Variants in PREX2 observed in about 807,000 individuals in gnomAD.
The protein encoded by PREX2 is phosphatidylinositol-3,4,5-trisphosphate dependent Rac exchange factor 2.
PREX2 carries 107 observed loss-of-function variants against 203.2 expected under a neutral mutation model. The ratio of observed to expected loss-of-function variants is 0.53; its 90% confidence interval spans 0.45 to 0.62. The LOEUF (loss-of-function observed/expected upper bound fraction) is 0.62, where lower values mean the gene tolerates loss of function less well. PREX2 is among the 20% of genes least tolerant of loss of function. The pLI is 0.00. For missense variants in PREX2, 1,777 were observed against 1,955.9 expected (o/e 0.91, Z 1.72); for synonymous variants, 672 against 663.6 (o/e 1.01, Z -0.19).
At chr8:68,203,495 G>C (rs1812548408) in intron 37 of PREX2, among the ~76,000 whole-genome samples, 1 of 152,158 alleles carries the variant, frequency 6.6e-6, no homozygotes, top group Non-Finnish European at 1.5e-5. Context: ...GAGAGAGAAA[G>C]GGGGATCATG....
intron 17 of PREX2, among the ~76,000 whole-genome samples, chr8:68,081,998 C>T (rs1585769472): frequency 6.6e-6 from 1 of 151,762 alleles, no homozygotes; most frequent in Non-Finnish European, 1.5e-5. Context: ...CACCCAGCAA[C>T]TTTACCAGCC....
chr8:68,129,062 A>G (rs904313919), intron 31 of PREX2, among the ~76,000 whole-genome samples: 13 of 152,186 alleles, frequency 8.5e-5, no homozygotes, highest in African/African-American at 3.1e-4. Flanking sequence ...GATCCCCACA[A>G]CCCACTATGT....
rs749739278 is a variant in PREX2 at position 68,191,761 on chromosome 8, C to T, written c.4386C>T (p.Ser1462=). ...YLDKSNSPPN[S]TSKAAYVDKL... ...ACAAGTCAAATTCACCACCAAACTC[C>T]ACATCCAAAGCTGCCTATGTAGATA... Residue 1462 remains serine (S), a synonymous_variant, in exon 36 of 40, where the codon TCC becomes TCT. Transcript: ENST00000288368. 3.1e-6 allele frequency: 5 copies of T among 1,610,358 alleles called. No individual in the cohort carries two copies. In the South Asian group the frequency reaches 5.5e-5, roughly 18 times the overall value.
chr8:68,002,309 G>A (rs1398636158), intron 1 of PREX2, among the ~76,000 whole-genome samples: 2 of 151,918 alleles, frequency 1.3e-5, no homozygotes, highest in Middle Eastern at 3.4e-3. Flanking sequence ...CATCACACCC[G>A]GCTAATTTTT....
At chr8:68,161,103 T>G (rs1811643790) in intron 35 of PREX2, among the ~76,000 whole-genome samples, 1 of 151,936 alleles carries the variant, frequency 6.6e-6, no homozygotes, top group Admixed American at 6.6e-5. Context: ...CTTTCTTTTT[T>G]TTTGGGGGGG....
At chr8:68,056,613 TC>T (rs1263753298) in intron 10 of PREX2, among the ~76,000 whole-genome samples, 1 of 93,932 alleles carries the variant, frequency 1.1e-5, no homozygotes, top group Non-Finnish European at 2.0e-5. Context: ...TTCAGGTAGC[TC>T]TTTTTTAGGC....
chr8:68,047,180 G>A (rs1808377165), intron 8 of PREX2, among the ~76,000 whole-genome samples: 1 of 151,942 alleles, frequency 6.6e-6, no homozygotes, highest in Non-Finnish European at 1.5e-5. Context: ...GGTGCTGCAT[G>A]AACTTTCTTC....
chr8:67,990,973 A>G (rs1053918972), intron 1 of PREX2, among the ~76,000 whole-genome samples: 4 of 152,108 alleles, frequency 2.6e-5, no homozygotes, highest in South Asian at 4.1e-4. Flanking sequence ...TGGGCCATCC[A>G]CTTGATTTGA....
chr8:67,979,658 A>G (rs989882122), intron 1 of PREX2, among the ~76,000 whole-genome samples: 3 of 152,220 alleles, frequency 2.0e-5, no homozygotes, highest in Admixed American at 6.5e-5. Flanking sequence ...AAGAATCAGG[A>G]CATATAAAAG....
In PREX2 at chr8:68,072,431, G is replaced by A. The variant is rs140201313; in HGVS notation, c.1494-64G>A. 1.1e-3 allele frequency: 935 copies of A among 842,458 alleles called. 7 individuals are homozygous for A. In the African/African-American group the frequency reaches 0.013, roughly 12 times the overall value. The allele number at this position is 842,458 out of a possible 1,614,324, so 52.2% of individuals were successfully genotyped here. On this transcript the variant is annotated intron_variant, in intron 13 of 39. Transcript: ENST00000288368. Reference sequence around the variant, plus strand: ...ATACTAAATGAAAATATTTTCTTGTGCTTACCTACCCTCTTGCTTAATTTT... The same window carrying A: ...ATACTAAATGAAAATATTTTCTTGTACTTACCTACCCTCTTGCTTAATTTT...
intron 4 of PREX2, among the ~76,000 whole-genome samples, chr8:68,023,816 A>G (rs1807637102): frequency 6.6e-6 from 1 of 151,968 alleles, no homozygotes; most frequent in South Asian, 2.1e-4. Context: ...GCTTTTGTTT[A>G]TTGATCTTGT....
At chr8:67,992,722 A>G (rs1035583093) in intron 1 of PREX2, among the ~76,000 whole-genome samples, 2 of 152,228 alleles carry the variant, frequency 1.3e-5, no homozygotes, top group African/African-American at 4.8e-5. Context: ...AGAAGCAGCC[A>G]AAAGCTTAAT....
intron 25 of PREX2, 45 bp downstream of exon 25, chr8:68,109,668 C>T (rs1241357656): frequency 6.6e-7 from 1 of 1,512,088 alleles, no homozygotes. Flanking sequence ...AATAAAATAG[C>T]CATAAAAATG....
intron 37 of PREX2, among the ~76,000 whole-genome samples, chr8:68,213,913 C>T (rs968218551): frequency 1.3e-5 from 2 of 152,050 alleles, no homozygotes; most frequent in African/African-American, 4.8e-5. Context: ...TACTCTGTGA[C>T]ATTTATTTTG....
At chr8:68,178,415 A>T (rs1812024266) in intron 35 of PREX2, among the ~76,000 whole-genome samples, 1 of 151,824 alleles carries the variant, frequency 6.6e-6, no homozygotes, top group African/African-American at 2.4e-5. Context: ...GTCCATATGT[A>T]TGTCTTCTTT....
chr8:68,226,808 G>A (rs1464606332), intron 39 of PREX2, among the ~76,000 whole-genome samples: 1 of 152,208 alleles, frequency 6.6e-6, no homozygotes, highest in Non-Finnish European at 1.5e-5. Context: ...AGATTGTCAT[G>A]AGAACACAGA....
intron 8 of PREX2, among the ~76,000 whole-genome samples, chr8:68,046,910 G>C (rs1239542764): frequency 1.3e-5 from 2 of 151,996 alleles, no homozygotes; most frequent in East Asian, 1.9e-4. Context: ...TTGAATAATA[G>C]AAATTTTGAA....
At chr8:68,123,352 C>A (rs1810817871) in intron 30 of PREX2, among the ~76,000 whole-genome samples, 1 of 151,796 alleles carries the variant, frequency 6.6e-6, no homozygotes, top group Non-Finnish European at 1.5e-5. Context: ...GAAAATCAAA[C>A]CCAAAGGTGC....
At chr8:68,134,407 A>G in intron 32 of PREX2, 131 bp downstream of exon 32, 6 of 681,552 alleles carry the variant, frequency 8.8e-6, no homozygotes, top group Non-Finnish European at 1.5e-5. Flanking sequence ...AGCTACTTTA[A>G]AAATATACAT....
Sources: gnomAD v4.1 joint callset for allele counts (sites outside exome capture counted in the v4.1 genomes callset) on GRCh38, gnomAD v4.1.1 for gene constraint, MANE v1.5 for transcripts, NCBI Gene and HGNC (gene_info 2026-07-23, HGNC 2026-07-21) for gene names.